BBS7: variants seen among roughly 807,000 people sequenced by gnomAD.
The protein encoded by BBS7 is Bardet-Biedl syndrome 7.
Under a neutral mutation model 90.3 loss-of-function variants are expected in BBS7, and 50 were observed. The ratio of observed to expected loss-of-function variants is 0.55; its 90% confidence interval spans 0.44 to 0.70. BBS7 has a LOEUF of 0.70. BBS7 is among the 30% of genes least tolerant of loss of function. BBS7 has a pLI of 0.00. For synonymous variants in BBS7, 235 were observed against 287.4 expected (o/e 0.82, Z 1.85); for missense variants, 729 against 838.9 (o/e 0.87, Z 1.62).
chr4:121,833,454 G>A, intron 14 of BBS7, 59 bp from the exon 15 acceptor site: 10 of 1,486,844 alleles, frequency 6.7e-6, no homozygotes, highest in Non-Finnish European at 9.4e-6. Context: ...AGTATTATAT[G>A]TACACGTTAA....
At chr4:121,845,235 G>A (rs901110806) in intron 11 of BBS7, among the ~76,000 whole-genome samples, 5 of 151,998 alleles carry the variant, frequency 3.3e-5, no homozygotes, top group African/African-American at 1.2e-4. Flanking sequence ...AGGTGTGGTG[G>A]CACATACCTG....
chr4:121,840,840 C>CTT (rs140599414), intron 12 of BBS7, among the ~76,000 whole-genome samples: 37 of 142,056 alleles, frequency 2.6e-4, no homozygotes, highest in Admixed American at 5.7e-4. Flanking sequence ...TAAATATATT[C>CTT]TTTTTTTTTT....
intron 15 of BBS7, among the ~76,000 whole-genome samples, chr4:121,832,358 A>C (rs543614485): frequency 2.0e-4 from 30 of 152,212 alleles, no homozygotes; most frequent in African/African-American, 6.0e-4. Context: ...ACAACAACAA[A>C]AAAACAAAAA....
intron 8 of BBS7, among the ~76,000 whole-genome samples, chr4:121,850,930 T>G (rs1176699152): frequency 6.6e-6 from 1 of 152,224 alleles, no homozygotes; most frequent in South Asian, 2.1e-4. Context: ...ATAAATCACA[T>G]AAAGTTAGAT....
intron 17 of BBS7, 47 bp from the exon 18 acceptor site, chr4:121,828,316 C>A (rs755246149): frequency 1.1e-5 from 17 of 1,593,946 alleles, no homozygotes; most frequent in Admixed American, 1.7e-5. Context: ...AAAATTCAAT[C>A]CAATGTAATG....
At chr4:121,832,009 A>ACACAC (rs1725207388) in intron 15 of BBS7, among the ~76,000 whole-genome samples, 148 of 142,872 alleles carry the variant, frequency 1.0e-3, no homozygotes, top group East Asian at 6.0e-3. Flanking sequence ...AAAAAACAAA[A>ACACAC]ACACACACAC....
In BBS7 at chr4:121,862,167, G is replaced by C. The variant is rs903168924; in HGVS notation, c.166-488C>G. ...TCATCTTTTAAAACTAATCTTTCCT[G>C]GCTTCTTTACAATTTTTATAAATTT... On this transcript the variant is annotated intron_variant, in intron 3 of 18. Transcript: ENST00000264499. 2.2e-4 allele frequency among the ~76,000 whole-genome samples: 33 copies of C among 152,042 alleles called. 1 individual carries two copies. The highest frequency in any genetic ancestry group is 7.7e-4 in the African/African-American group (32 of 41,486).
intron 13 of BBS7, among the ~76,000 whole-genome samples, chr4:121,837,619 T>C (rs1323353197): frequency 1.3e-5 from 2 of 152,184 alleles, no homozygotes; most frequent in Non-Finnish European, 2.9e-5. Flanking sequence ...TTCCAGATTA[T>C]TCTGTTGCAT....
Position 121,845,520 on chromosome 4 carries a change from T to C in BBS7, c.1214A>G (p.Asp405Gly), listed in dbSNP as rs776401951. 6.2e-7 allele frequency: 1 copy of C among 1,611,838 alleles called. No individual in the cohort carries two copies. The highest frequency in any genetic ancestry group is 8.5e-7 in the Non-Finnish European group (1 of 1,179,034). ...TTTGCTTACCTGTATTAAGACATTA[T>C]CTATTGCAGTCTGTACCTCTAAGAT... ...SLILEVQTAI[D>G]NVLIQSDVPI... The change falls in exon 11 of 19, where the codon GAT becomes GGT. Residue 405 changes from aspartate (D) to glycine (G), a missense_variant. By Grantham distance (94) the Asp-to-Gly change is moderately conservative (BLOSUM62 -1). Transcript: ENST00000264499.
rs543871521 is a variant in BBS7 at position 121,849,838 on chromosome 4, TA to T, written c.850-911del. The stretch of plus-strand genomic sequence containing the variant: ...AGCGAGACTGTCTAAAAAATAAAAA[TA>T]AAAAAAAATTACATAAAGCAAAAAG... On this transcript the variant is annotated intron_variant, in intron 8 of 18. Transcript: ENST00000264499. Among the ~76,000 whole-genome samples, 1,055 of 151,496 alleles carry T rather than the reference TA, an allele frequency of 7.0e-3. 10 individuals are homozygous for T. The highest frequency in any genetic ancestry group is 0.025 in the African/African-American group (1,015 of 41,344).
intron 12 of BBS7, among the ~76,000 whole-genome samples, chr4:121,842,251 CAAAAAAAAA>C (rs1270788731): frequency 3.0e-4 from 20 of 66,650 alleles, no homozygotes; most frequent in Non-Finnish European, 3.5e-5. Flanking sequence ...GACTCCATCT[CAAAAAAAAA>C]AAAAAAAAAA....
chr4:121,863,188 A>AT, intron 3 of BBS7, 29 bp downstream of exon 3: 1 of 1,607,890 alleles, frequency 6.2e-7, no homozygotes, highest in Non-Finnish European at 8.5e-7. Context: ...TTAGAAAACC[A>AT]TTTTTCCCCT....
intron 4 of BBS7, among the ~76,000 whole-genome samples, chr4:121,859,566 C>T (rs746443701): frequency 3.3e-5 from 5 of 152,028 alleles, no homozygotes; most frequent in Non-Finnish European, 7.4e-5. Flanking sequence ...CATCATAACT[C>T]TATAAAATAA....
rs1447092711 is a variant in BBS7, at chr4:121,845,640, T to A, written c.1094A>T (p.Gln365Leu). The A allele has an allele frequency of 1.9e-6, 3 of 1,613,244 alleles. No homozygotes were observed. ...TTTTGCTTTGCTTGATTGAGAAGAC[T>A]GTTGATAATTCTCTCTTTCCTGCAA... Reference protein sequence around the residue: ...KVLQERENYQQSSQSSKAKSA... With the variant: ...KVLQERENYQLSSQSSKAKSA... The change falls in exon 11 of 19, where the codon CAG (glutamine) becomes CTG (leucine). Residue 365 changes from glutamine (Q) to leucine (L), a missense_variant. Gln to Leu is a moderately radical substitution (Grantham distance 113). Transcript: ENST00000264499.
chr4:121,828,703 C>T lies in BBS7; in HGVS notation c.1702G>A (p.Asp568Asn), dbSNP rs1352712576. 6.2e-7 allele frequency: 1 copy of T among 1,602,756 alleles called. No individual in the cohort carries two copies. The highest frequency in any genetic ancestry group is 2.2e-5 in the East Asian group (1 of 44,542). Residue 568 changes from aspartate to asparagine, a missense_variant, in exon 16 of 19, where the codon GAC becomes AAC. Transcript: ENST00000264499. ...YRKGEGVFKSDNISTISILKD... is the reference protein window; with the variant it reads ...YRKGEGVFKSNNISTISILKD... Reference sequence around the variant, plus strand: ...AGGATGGAGATAGTAGAAATGTTGTCAGATTTAAAAACTCCCTCTCCTTTT... The same window carrying T: ...AGGATGGAGATAGTAGAAATGTTGTTAGATTTAAAAACTCCCTCTCCTTTT...
At chr4:121,851,757 C>T (rs1053199737) in intron 8 of BBS7, among the ~76,000 whole-genome samples, 1 of 152,172 alleles carries the variant, frequency 6.6e-6, no homozygotes, top group Non-Finnish European at 1.5e-5. Flanking sequence ...ACGTCTTCTC[C>T]TGATTAGAAA....
chr4:121,833,223 A>G lies in BBS7; in HGVS notation c.1676+8T>C. 6.2e-7 allele frequency: 1 copy of G among 1,613,230 alleles called. No individual in the cohort carries two copies. The highest frequency in any genetic ancestry group is 8.5e-7 in the Non-Finnish European group (1 of 1,179,232). On this transcript the variant is annotated splice_region_variant and intron_variant, in intron 15 of 18. Coordinates refer to ENST00000264499, the MANE Select transcript of BBS7 (RefSeq NM_176824.3). ...AACACTTGTGAACCAGTAATAAGTTAGATTTACCTGTAGGTACTTTCAAGT... is the reference window on the plus strand; with the variant it reads ...AACACTTGTGAACCAGTAATAAGTTGGATTTACCTGTAGGTACTTTCAAGT...
intron 2 of BBS7, among the ~76,000 whole-genome samples, chr4:121,866,461 C>T (rs971796256): frequency 2.0e-5 from 3 of 152,024 alleles, no homozygotes; most frequent in African/African-American, 7.2e-5. Flanking sequence ...GATAGGGTTT[C>T]ACCATGTTGG....
intron 14 of BBS7, 149 bp from the exon 15 acceptor site, chr4:121,833,544 T>G (rs1367198320): frequency 6.4e-6 from 5 of 779,584 alleles, no homozygotes; most frequent in African/African-American, 1.8e-5. Context: ...GTCAAATAAA[T>G]GAACATTTCA....
Sources: gnomAD v4.1 joint callset for allele counts (sites outside exome capture counted in the v4.1 genomes callset) on GRCh38, gnomAD v4.1.1 for gene constraint, MANE v1.5 for transcripts, NCBI Gene and HGNC (gene_info 2026-07-23, HGNC 2026-07-21) for gene names.